BFSP1: variants seen among roughly 807,000 people sequenced by gnomAD.
BFSP1 encodes beaded filament structural protein 1.
BFSP1 carries 38 observed loss-of-function variants against 43.9 expected under a neutral mutation model. The ratio of observed to expected loss-of-function variants is 0.87; its 90% CI spans 0.67 to 1.14. The LOEUF is 1.14. Ranked by LOEUF, BFSP1 falls within the 50% of genes most tolerant of loss-of-function variation. The probability of loss-of-function intolerance (pLI) is 0.00; values close to 1 mark genes in which losing one functional copy is unlikely to be tolerated. For missense variants in BFSP1, 850 were observed against 875.1 expected (o/e 0.97, Z 0.36); for synonymous variants, 352 against 354.8 (o/e 0.99, Z 0.09).
chr20:17,518,094 C>T (rs983226411), intron 2 of BFSP1, among the ~76,000 whole-genome samples: 2 of 152,356 alleles, frequency 1.3e-5, no homozygotes, highest in Admixed American at 6.5e-5. Flanking sequence ...ACCAGCACCA[C>T]TGCCCACTGG....
intron 1 of BFSP1, among the ~76,000 whole-genome samples, chr20:17,543,962 T>C (rs1454877655): frequency 6.6e-6 from 1 of 152,256 alleles, no homozygotes; most frequent in Non-Finnish European, 1.5e-5. Flanking sequence ...ATATGGTAAG[T>C]GCTTAACAAA....
At chr20:17,563,136 C>G (rs1248469727), upstream of BFSP1, 2 of 152,226 alleles carry the variant, frequency 1.3e-5, no homozygotes, top group Non-Finnish European at 2.9e-5. Context: ...CTGTGGCAGT[C>G]ACTACTGGTT....
rs773586924 is a variant in BFSP1 at position 17,494,828 on chromosome 20, T to G, written c.1244A>C (p.Glu415Ala). 10 of 1,614,220 alleles carry G rather than the reference T, an allele frequency of 6.2e-6. No individual in the cohort carries two copies. Among genetic ancestry groups the G allele is most frequent in the Non-Finnish European group, 8.5e-6 (10 of 1,180,036 alleles). The change falls in exon 8 of 8, where the codon GAA (glutamate) becomes GCA (alanine). Residue 415 changes from glutamate (E) to alanine (A), a missense_variant. By Grantham distance (107) the Glu-to-Ala change is moderately radical. Coordinates refer to ENST00000377873, the MANE Select transcript of BFSP1 (RefSeq NM_001195.5). Reference protein sequence around the residue: ...KEESESKFESESKEVSPLTQE... With the variant: ...KEESESKFESASKEVSPLTQE... ...TGTCAGGGGACTTACTTCTTTACTT[T>G]CTGATTCAAACTTAGATTCACTTTC...
chr20:17,515,304 C>T (rs1051475168), intron 2 of BFSP1, among the ~76,000 whole-genome samples: 6 of 152,072 alleles, frequency 3.9e-5, no homozygotes, highest in African/African-American at 1.2e-4. Context: ...ATTTAAGTAA[C>T]GTCTATATTT....
chr20:17,508,614 A>T (rs1426396271), intron 5 of BFSP1, among the ~76,000 whole-genome samples: 1 of 152,038 alleles, frequency 6.6e-6, no homozygotes, highest in Non-Finnish European at 1.5e-5. Flanking sequence ...GGAGGGCATG[A>T]CTCGAAGGAG....
intron 7 of BFSP1, 78 bp from the exon 8 acceptor site, chr20:17,495,107 C>A: frequency 7.3e-7 from 1 of 1,371,214 alleles, no homozygotes; most frequent in Non-Finnish European, 1.0e-6. Flanking sequence ...GGAAAATAGG[C>A]TAACTCTCTC....
chr20:17,537,439 A>G (rs375267215), intron 1 of BFSP1, among the ~76,000 whole-genome samples: 19 of 152,270 alleles, frequency 1.2e-4, no homozygotes, highest in East Asian at 5.8e-4. Context: ...TCTCTCTCCA[A>G]CTAACTGCAC....
At chr20:17,503,328 A>C (rs936024365) in intron 5 of BFSP1, among the ~76,000 whole-genome samples, 4 of 152,234 alleles carry the variant, frequency 2.6e-5, no homozygotes, top group African/African-American at 9.6e-5. Flanking sequence ...TAGCACCTAT[A>C]ATCTCTCACT....
At chr20:17,520,210 G>GCGCC (rs201615265) in intron 2 of BFSP1, among the ~76,000 whole-genome samples, 83 of 133,370 alleles carry the variant, frequency 6.2e-4, no homozygotes, top group African/African-American at 2.3e-3. Flanking sequence ...GTTTTAACGT[G>GCGCC]CCCCCCCACC....
upstream of BFSP1, among the ~76,000 whole-genome samples, chr20:17,536,340 C>T (rs1021334559): frequency 2.0e-5 from 3 of 152,038 alleles, no homozygotes; most frequent in African/African-American, 4.8e-5. Flanking sequence ...TGCTTGAGCC[C>T]GGAAGTTCAA....
At chr20:17,549,161 T>G (rs2034855234) in intron 1 of BFSP1, among the ~76,000 whole-genome samples, 1 of 152,208 alleles carries the variant, frequency 6.6e-6, no homozygotes, top group Admixed American at 6.5e-5. Flanking sequence ...TCCAGTTGCT[T>G]CTGTGTTTTG....
upstream of BFSP1, among the ~76,000 whole-genome samples, chr20:17,531,619 A>T (rs555479048): frequency 6.6e-6 from 1 of 152,266 alleles, no homozygotes; most frequent in Admixed American, 6.5e-5. Flanking sequence ...TTTTGATTGA[A>T]TGGAGGGTCA....
chr20:17,494,721 TC>T lies in BFSP1; in HGVS notation c.1350del (p.Val452Ter). On this transcript the variant is annotated frameshift_variant, in exon 8 of 8. Transcript: ENST00000377873. LOFTEE classifies it low-confidence loss of function (END_TRUNC). ...GFGKLYRKVK[E>X]KVRSPKEPET... is the part of the protein sequence containing the mutation. ...TCAGGCTCTTTGGGGCTTCTCACTT[TC>T]TCCTTGACCTTCCTGTATAGTTTCC... is the stretch of plus-strand genomic sequence containing the variant. 1 of 1,614,108 alleles carries T rather than the reference TC, an allele frequency of 6.2e-7. No individual in the cohort carries two copies. The highest frequency in any genetic ancestry group is 1.1e-5 in the South Asian group (1 of 91,070).
Position 17,509,717 on chromosome 20 carries a change from G to A in BFSP1, c.628-721C>T, listed in dbSNP as rs1370815999. Among the ~76,000 whole-genome samples, 4 of 152,208 alleles carry A rather than the reference G, an allele frequency of 2.6e-5. No homozygotes were observed. The East Asian group carries it at 7.7e-4, about 29-fold the overall frequency. ...CCATACGCTGTGCTCGGATGTCAGCGCAGCACAAAGCAGGAGCCATCAGCC... is the reference window on the plus strand; with the variant it reads ...CCATACGCTGTGCTCGGATGTCAGCACAGCACAAAGCAGGAGCCATCAGCC... On this transcript the variant is annotated intron_variant, in intron 4 of 7. Coordinates refer to ENST00000377873, the MANE Select transcript of BFSP1 (RefSeq NM_001195.5).
At chr20:17,520,284 C>T (rs1488171869) in intron 2 of BFSP1, among the ~76,000 whole-genome samples, 1 of 141,034 alleles carries the variant, frequency 7.1e-6, no homozygotes, top group African/African-American at 2.6e-5. Context: ...CTAATCTAGA[C>T]TATTTACAGC....
intron 1 of BFSP1, among the ~76,000 whole-genome samples, chr20:17,539,915 C>T (rs1377989485): frequency 2.0e-5 from 3 of 152,176 alleles, no homozygotes; most frequent in African/African-American, 2.4e-5. Context: ...AGCTTCCCAG[C>T]GTTGACCTGA....
chr20:17,549,073 A>T (rs543828514), intron 1 of BFSP1, among the ~76,000 whole-genome samples: 48 of 152,164 alleles, frequency 3.2e-4, no homozygotes, highest in Non-Finnish European at 5.6e-4. Flanking sequence ...GGCCTCCCAA[A>T]CTGTTGGGAT....
intron 1 of BFSP1, among the ~76,000 whole-genome samples, chr20:17,544,207 G>A (rs886449859): frequency 6.6e-6 from 1 of 152,156 alleles, no homozygotes; most frequent in Non-Finnish European, 1.5e-5. Context: ...CATATCTAAG[G>A]GTTCTAGGAG....
Position 17,553,238 on chromosome 20 carries a change from A to G in BFSP1, c.2+5450T>C, listed in dbSNP as rs2034923901. 2.0e-5 allele frequency among the ~76,000 whole-genome samples: 3 copies of G among 152,210 alleles called. No homozygotes were observed. In the South Asian group the frequency reaches 6.2e-4, roughly 31 times the overall value. The stretch of plus-strand genomic sequence containing the variant: ...ATGAGATGAGGACTAAGAATTGGCC[A>G]TTGGATTTAGCAATGTGACGTTCCA... On this transcript the variant is annotated intron_variant, in intron 1 of 7. Coordinates refer to the BFSP1 transcript ENST00000377868.
Sources: allele counts gnomAD v4.1 joint callset (sites outside exome capture counted in the v4.1 genomes callset), GRCh38; gene constraint gnomAD v4.1.1; transcripts MANE v1.5; gene names NCBI Gene and HGNC (gene_info 2026-07-23, HGNC 2026-07-21).